Variants in FRMPD2 observed in about 807,000 individuals in gnomAD.
FRMPD2 encodes the protein FERM and PDZ domain containing 2.
FRMPD2 carries 96 observed loss-of-function variants against 140.1 expected under a neutral mutation model. The ratio of observed to expected loss-of-function variants is 0.69; its 90% CI spans 0.58 to 0.81. The LOEUF is 0.81. Among genes scored for constraint, FRMPD2 ranks in the 40% least tolerant of loss-of-function variants. The pLI is 0.00. For missense variants in FRMPD2, 1,240 were observed against 1,447.4 expected, an observed-to-expected ratio of 0.86 and a Z score of 2.32; for synonymous variants, 449 against 547.6, an observed-to-expected ratio of 0.82 and a Z score of 2.52.
Position 48,251,701 on chromosome 10 carries a change from A to T in FRMPD2, c.26-10T>A. ...GAGGACAGGCTCATGCCTACAATAA[A>T]GACATGCATGTGACAGGGCCTCTGC... is the stretch of plus-strand genomic sequence containing the variant. On this transcript the variant is annotated splice_polypyrimidine_tract_variant and intron_variant, in intron 1 of 28. Coordinates refer to ENST00000374201, the MANE Select transcript of FRMPD2 (RefSeq NM_001018071.4). 1 of 1,613,962 alleles carries T rather than the reference A, an allele frequency of 6.2e-7. No individual in the cohort carries two copies. Among genetic ancestry groups the T allele is most frequent in the South Asian group, 1.1e-5 (1 of 91,076 alleles).
intron 12 of FRMPD2, among the ~76,000 whole-genome samples, chr10:48,219,263 C>T (rs574103275): frequency 2.0e-5 from 3 of 150,994 alleles, no homozygotes; most frequent in Non-Finnish European, 2.9e-5. Context: ...GTGAATTCCT[C>T]CTTCATGCAG....
At position 48,201,260 on chromosome 10, in the gene FRMPD2, A is replaced by G. The variant is rs755589650; in HGVS notation, c.1922T>C (p.Met641Thr). Residue 641 changes from methionine to threonine, a missense_variant, in exon 15 of 29, where the codon ATG becomes ACG. This residue lies in a region of FRMPD2 where 1,161 missense variants were observed against 1,055.9 expected (regional missense o/e 1.10). Coordinates refer to ENST00000374201, the MANE Select transcript of FRMPD2 (RefSeq NM_001018071.4). The stretch of plus-strand genomic sequence containing the variant: ...AACATGGGAAGGCTGCCCAGAGCCC[A>G]TCTGTGCATTAAACCCATGCTGGGC... Reference protein sequence around the residue: ...CSAQHGFNAQMGSGQPSHVLF... With the variant: ...CSAQHGFNAQTGSGQPSHVLF... 139 of 1,612,778 alleles carry G rather than the reference A, an allele frequency of 8.6e-5. 2 individuals carry two copies. In the South Asian group the frequency reaches 1.5e-3, roughly 17 times the overall value.
In FRMPD2 at chr10:48,232,250, A is replaced by T. The variant is rs761214419; in HGVS notation, c.1033T>A (p.Cys345Ser). ...TGCTGCCCGTTCAGCAGGACCACAC[A>T]GAGGTCCCTGAGAGCCAAATAGGAT... Reference protein sequence around the residue: ...GKSYLALRDLCVVLLNGQHLE... With the variant: ...GKSYLALRDLSVVLLNGQHLE... Residue 345 changes from cysteine (C) to serine (S), a missense_variant, in exon 10 of 29, where the codon TGT becomes AGT. Physicochemically the swap from Cys to Ser is moderately radical, Grantham distance 112. Around this residue, in one of 6 missense-constraint regions of FRMPD2, gnomAD observed 1,161 missense variants for 1,055.9 expected, o/e 1.10. Transcript: ENST00000374201. 1.9e-6 allele frequency: 3 copies of T among 1,613,822 alleles called. No homozygotes were observed. In the South Asian group the frequency reaches 3.3e-5, roughly 18 times the overall value.
intron 28 of FRMPD2, among the ~76,000 whole-genome samples, chr10:48,160,480 T>A (rs1194201322): frequency 7.3e-6 from 1 of 136,450 alleles, no homozygotes; most frequent in Non-Finnish European, 1.6e-5. Context: ...TGCATTGAGT[T>A]CTTGCCGCAT....
chr10:48,252,410 C>T (rs997829018), intron 1 of FRMPD2, among the ~76,000 whole-genome samples: 3 of 152,218 alleles, frequency 2.0e-5, no homozygotes, highest in South Asian at 2.1e-4. Context: ...TGAGTGGCAC[C>T]GGAAGAAGCC....
At chr10:48,222,282 C>T (rs1301485595) in intron 12 of FRMPD2, 31 bp downstream of exon 12, 3 of 1,603,624 alleles carry the variant, frequency 1.9e-6, no homozygotes, top group Admixed American at 1.7e-5. Context: ...TCCAGTGACC[C>T]CACACAAAGG....
At chr10:48,235,339 G>C (rs562922645) in intron 9 of FRMPD2, among the ~76,000 whole-genome samples, 10 of 152,350 alleles carry the variant, frequency 6.6e-5, no homozygotes, top group African/African-American at 2.4e-4. Context: ...TGATGCAGCT[G>C]GTCATTGCAT....
chr10:48,207,548 G>A (rs1839229125), intron 13 of FRMPD2, among the ~76,000 whole-genome samples: 2 of 152,144 alleles, frequency 1.3e-5, no homozygotes, highest in South Asian at 4.1e-4. Flanking sequence ...ATTTTGCCAG[G>A]GGCCATGGGT....
chr10:48,208,180 A>G (rs1421168275), intron 13 of FRMPD2, among the ~76,000 whole-genome samples: 2 of 152,250 alleles, frequency 1.3e-5, no homozygotes, highest in African/African-American at 4.8e-5. Flanking sequence ...CAGGGCCACC[A>G]CAAGATAATA....
chr10:48,177,057 T>C (rs1331630874), intron 22 of FRMPD2, among the ~76,000 whole-genome samples: 4 of 151,688 alleles, frequency 2.6e-5, no homozygotes, highest in Admixed American at 2.6e-4. Context: ...AATCCAACAA[T>C]GACATTCCTG....
rs1163507009 is a variant in FRMPD2, at chr10:48,181,264, G to A, written c.2585-256C>T. ...GCGTAGGCTCAAAAGAAGTTCATAA[G>A]GCCAGCTATCCCTTATTAAGCTCTA... On this transcript the variant is annotated intron_variant, in intron 20 of 28. Transcript: ENST00000374201. 7.2e-5 allele frequency among the ~76,000 whole-genome samples: 11 copies of A among 152,408 alleles called. No individual in the cohort carries two copies. The South Asian group carries it at 1.7e-3, about 23-fold the overall frequency.
intron 12 of FRMPD2, among the ~76,000 whole-genome samples, chr10:48,214,971 C>G (rs746007882): frequency 6.6e-6 from 1 of 152,166 alleles, no homozygotes; most frequent in Non-Finnish European, 1.5e-5. Context: ...TAAAAACCCC[C>G]GCATGTGATC....
chr10:48,263,627 C>T (rs539335689), intron 1 of FRMPD2, among the ~76,000 whole-genome samples: 3 of 152,114 alleles, frequency 2.0e-5, no homozygotes, highest in African/African-American at 7.2e-5. Flanking sequence ...TATGCCTATA[C>T]GTATTACATA....
chr10:48,162,114 T>G (rs1837958015), intron 28 of FRMPD2, among the ~76,000 whole-genome samples: 1 of 150,288 alleles, frequency 6.7e-6, no homozygotes, highest in African/African-American at 2.5e-5. Context: ...TAGGTTACTT[T>G]CTTTATTATT....
chr10:48,252,274 G>A (rs909716160), intron 1 of FRMPD2, among the ~76,000 whole-genome samples: 11 of 152,250 alleles, frequency 7.2e-5, no homozygotes, highest in African/African-American at 2.4e-4. Context: ...AACTGGAGGA[G>A]GCTCAAGAGG....
intron 1 of FRMPD2, among the ~76,000 whole-genome samples, chr10:48,252,026 G>A (rs974763110): frequency 6.6e-6 from 1 of 152,338 alleles, no homozygotes; most frequent in Admixed American, 6.5e-5. Context: ...GCGAGCTGTT[G>A]CAGAGAGTAA....
chr10:48,192,669 A>G lies in FRMPD2; in HGVS notation c.2165+15T>C. ...ATGGTGGTTTGGGCCCAGAGAACAA[A>G]TGTGTCACACCCACCTGCGCCCGAT... On this transcript the variant is annotated intron_variant, in intron 16 of 28. Transcript: ENST00000374201. 1 of 1,610,432 alleles carries G rather than the reference A, an allele frequency of 6.2e-7. No individual in the cohort carries two copies. Among genetic ancestry groups the G allele is most frequent in the Non-Finnish European group, 8.5e-7 (1 of 1,177,042 alleles).
chr10:48,206,995 C>A, intron 13 of FRMPD2, 62 bp from the exon 14 acceptor site: 4 of 1,467,326 alleles, frequency 2.7e-6, no homozygotes, highest in Non-Finnish European at 3.7e-6. Context: ...ATGGGCCTCA[C>A]GCCATTCACT....
At chr10:48,242,619 A>G (rs1323636744) in intron 4 of FRMPD2, among the ~76,000 whole-genome samples, 1 of 152,252 alleles carries the variant, frequency 6.6e-6, no homozygotes, top group Non-Finnish European at 1.5e-5. Flanking sequence ...CATGCTTGGA[A>G]TGCTCATGAA....
Sources: gnomAD v4.1 joint callset for allele counts (sites outside exome capture counted in the v4.1 genomes callset) on GRCh38, gnomAD v4.1.1 for gene constraint, gnomAD v4.1.1 regional missense constraint, MANE v1.5 for transcripts, NCBI Gene and HGNC (gene_info 2026-07-23, HGNC 2026-07-21) for gene names.